Variants in LRP5 observed in about 807,000 individuals in gnomAD.
The protein encoded by LRP5 is low-density lipoprotein receptor-related protein 5.
Under a neutral mutation model 154.1 loss-of-function variants are expected in LRP5, and 62 were observed. The ratio of observed to expected loss-of-function variants is 0.40; its 90% CI spans 0.33 to 0.50. The LOEUF (loss-of-function observed/expected upper bound fraction) is 0.50. LRP5 is among the 20% of genes least tolerant of loss of function. The probability of loss-of-function intolerance (pLI) is 0.55; values close to 1 mark genes in which losing one functional copy is unlikely to be tolerated. For synonymous variants in LRP5, 966 were observed against 1,011.5 expected (o/e 0.96, Z 0.85); for missense variants, 1,915 against 2,336.7 (o/e 0.82, Z 3.72).
intron 8 of LRP5, among the ~76,000 whole-genome samples, chr11:68,405,710 G>A (rs751825978): frequency 1.3e-5 from 2 of 152,208 alleles, no homozygotes; most frequent in Non-Finnish European, 2.9e-5. Context: ...CTAAATTAAA[G>A]CCAATTTTAA....
At position 68,439,836 on chromosome 11, in the gene LRP5, G is replaced by A. The variant is rs1193720992; in HGVS notation, c.4408G>A (p.Val1470Met). 2 of 1,610,926 alleles carry A rather than the reference G, an allele frequency of 1.2e-6. No individual in the cohort carries two copies. Among genetic ancestry groups the A allele is most frequent in the Non-Finnish European group, 1.7e-6 (2 of 1,179,514 alleles). ...SVSLMGGRGG[V>M]PLYDRNHVTG... ...GAGCCTGATGGGGGGCCGGGGCGGG[G>A]TGCCCCTCTACGACCGGAACCACGT... Residue 1470 changes from valine to methionine, a missense_variant, in exon 21 of 23, where the codon GTG becomes ATG. Coordinates refer to ENST00000294304, the MANE Select transcript of LRP5 (RefSeq NM_002335.4).
chr11:68,299,880 G>A, the LRP5 span, among the ~76,000 whole-genome samples: 2 of 148,516 alleles, frequency 1.3e-5, no homozygotes, highest in Non-Finnish European at 3.0e-5. Context: ...ATCGCGCTCC[G>A]CCTTTTTTTG....
intron 1 of LRP5, among the ~76,000 whole-genome samples, chr11:68,346,610 G>A (rs2098613164): frequency 1.3e-5 from 2 of 152,244 alleles, no homozygotes; most frequent in African/African-American, 4.8e-5. Context: ...CTTTCTTGGT[G>A]AAGGTGGGAG....
chr11:68,436,999 G>T lies in LRP5; in HGVS notation c.4111G>T (p.Glu1371Ter), dbSNP rs1287999101. ...CGACGGCTCCGACGAGCTCATGTGT[G>T]GTGAGCCAGCTTCTGGCACGGGGAA... is the stretch of plus-strand genomic sequence containing the variant. ...CIDGSDELMC[E>*]ITKPPSDDSP... Residue 1371 changes from glutamate (E) to a stop codon, truncating the protein, a stop_gained and splice_region_variant, in exon 19 of 23, where the codon GAA (glutamate) becomes TAA (stop). Coordinates refer to ENST00000294304, the MANE Select transcript of LRP5 (RefSeq NM_002335.4). LOFTEE classifies it high-confidence loss of function. The T allele has an allele frequency of 1.2e-6, 2 of 1,612,768 alleles. No individual in the cohort carries two copies. Among genetic ancestry groups the T allele is most frequent in the Non-Finnish European group, 1.7e-6 (2 of 1,179,404 alleles).
Position 68,449,168 on chromosome 11 carries a change from A to T in LRP5, c.*98A>T. 8.7e-5 allele frequency: 64 copies of T among 737,712 alleles called. No homozygotes were observed. Among genetic ancestry groups the T allele is most frequent in the East Asian group, 9.8e-5 (2 of 20,496 alleles). The allele number at this position is 737,712 out of a possible 1,614,324, so 45.7% of individuals were successfully genotyped here. A position where few individuals can be genotyped will look rare whatever the true frequency, so the allele number is the denominator to read the frequency against. On this transcript the variant is annotated 3_prime_UTR_variant, in exon 23 of 23. Transcript: ENST00000294304. ...TTTTATGATTTAAAAAATAAATATA[A>T]TTGGGATTTTAAAAACATGAGAAAT... is the stretch of plus-strand genomic sequence containing the variant.
intron 17 of LRP5, among the ~76,000 whole-genome samples, chr11:68,433,366 T>G (rs925342143): frequency 3.3e-5 from 5 of 152,208 alleles, no homozygotes; most frequent in African/African-American, 1.2e-4. Context: ...TACGGATGCA[T>G]GTCTTCTTGC....
In LRP5 at chr11:68,433,536, T is replaced by C. The variant is rs559424739; in HGVS notation, c.3764-66T>C. 21 of 1,382,892 alleles carry C rather than the reference T, an allele frequency of 1.5e-5. No individual in the cohort carries two copies. In the East Asian group the frequency reaches 4.8e-4, roughly 32 times the overall value. 85.7% of individuals were successfully genotyped at this position (1,382,892 alleles called of 1,614,324 possible). On this transcript the variant is annotated intron_variant, in intron 17 of 22. Coordinates refer to ENST00000294304, the MANE Select transcript of LRP5 (RefSeq NM_002335.4). Reference sequence around the variant, plus strand: ...TCTCAACTTCTGCTTTGAAGCCCAGTCACGCCATTGCCTGGGTTTTGCTGG... The same window carrying C: ...TCTCAACTTCTGCTTTGAAGCCCAGCCACGCCATTGCCTGGGTTTTGCTGG...
At chr11:68,397,972 T>TTGTGTGTGTGTGTGTATGTG (rs1554968641) in intron 7 of LRP5, among the ~76,000 whole-genome samples, 1 of 142,092 alleles carries the variant, frequency 7.0e-6, no homozygotes, top group South Asian at 2.3e-4. Flanking sequence ...CTGTGTGTGT[T>TTGTGTGTGTGTGTGTATGTG]TGTGTGTGTG....
At chr11:68,363,137 G>A (rs952098839) in intron 3 of LRP5, among the ~76,000 whole-genome samples, 1 of 152,214 alleles carries the variant, frequency 6.6e-6, no homozygotes, top group Non-Finnish European at 1.5e-5. Flanking sequence ...GAGTGCACAT[G>A]GCCTGATTTG....
At chr11:68,363,671 A>T (rs1591228591) in intron 3 of LRP5, 76 bp from the exon 4 acceptor site, 3 of 1,209,782 alleles carry the variant, frequency 2.5e-6, no homozygotes, top group South Asian at 1.3e-5. Flanking sequence ...AAAAAAAAAG[A>T]AATTAATTGG....
intron 7 of LRP5, among the ~76,000 whole-genome samples, chr11:68,397,263 C>T (rs1453177276): frequency 2.6e-5 from 4 of 152,212 alleles, no homozygotes; most frequent in African/African-American, 9.6e-5. Flanking sequence ...CCCTTCTCTC[C>T]TCTGCCCCGC....
chr11:68,365,468 ACACTGGAGGCTGT>A, intron 4 of LRP5, 90 bp from the exon 5 acceptor site: 4 of 1,554,616 alleles, frequency 2.6e-6, no homozygotes, highest in Non-Finnish European at 3.5e-6. Context: ...GCAGAGGGAC[ACACTGGAGGCTGT>A]CACGGGGGAC....
chr11:68,331,696 C>T (rs147714859), intron 1 of LRP5, among the ~76,000 whole-genome samples: 193 of 152,278 alleles, frequency 1.3e-3, no homozygotes, highest in African/African-American at 4.2e-3. Flanking sequence ...GTGGTCCCTG[C>T]TCGGGAAACT....
chr11:68,372,599 G>T (rs532068541), intron 5 of LRP5, among the ~76,000 whole-genome samples: 1 of 152,298 alleles, frequency 6.6e-6, no homozygotes, highest in South Asian at 2.1e-4. Context: ...GCTTCAGTTT[G>T]TCCGTTGGTA....
rs1452056651 is a variant in LRP5 at position 68,423,632 on chromosome 11, C to T, written c.3171C>T (p.Ala1057=). The change falls in exon 14 of 23, where the codon GCC becomes GCT. Residue 1057 remains alanine (A), a synonymous_variant. Transcript: ENST00000294304. This position sits in a 1 kb window ranked among gnomAD's most constrained non-coding sequence, Gnocchi z 4.7. Reference sequence around the variant, plus strand: ...ACGTCCACAGGCTGAGCGGGGAAGCCATGGGGGTGGTGCTGCGTGGGGACC... The same window carrying T: ...ACGTCCACAGGCTGAGCGGGGAAGCTATGGGGGTGGTGCTGCGTGGGGACC... ...TINVHRLSGE[A]MGVVLRGDRD... 8 of 1,614,044 alleles carry T rather than the reference C, an allele frequency of 5.0e-6. No homozygotes were observed. The highest frequency in any genetic ancestry group is 1.3e-5 in the African/African-American group (1 of 74,928).
intron 11 of LRP5, 132 bp downstream of exon 11, chr11:68,411,752 G>A (rs551615744): frequency 7.4e-6 from 7 of 940,564 alleles, no homozygotes; most frequent in Middle Eastern, 3.3e-4. Context: ...CCACACCCAC[G>A]ACTGCCCAGC....
intron 1 of LRP5, among the ~76,000 whole-genome samples, chr11:68,340,939 G>A (rs2098608587): frequency 6.6e-6 from 1 of 151,866 alleles, no homozygotes; most frequent in South Asian, 2.1e-4. Context: ...CTGGGTGTGT[G>A]GTTTTTGGTG....
rs1164074861 is a variant in LRP5, at chr11:68,312,783, C to T, written c.69C>T (p.Cys23=). Residue 23 remains cysteine, a synonymous_variant, in exon 1 of 23, where the codon TGC becomes TGT. Coordinates refer to ENST00000294304, the MANE Select transcript of LRP5 (RefSeq NM_002335.4). ...TGCTGCTGCTGCTGCTGGCGCTGTGCGGCTGCCCGGCCCCCGCCGCGGGTA... is the reference window on the plus strand; with the variant it reads ...TGCTGCTGCTGCTGCTGGCGCTGTGTGGCTGCCCGGCCCCCGCCGCGGGTA... ...LLLLLLLLAL[C]GCPAPAAASP... 1.8e-6 allele frequency: 2 copies of T among 1,082,960 alleles called. No homozygotes were observed. Among genetic ancestry groups the T allele is most frequent in the South Asian group, 2.8e-5 (1 of 36,020 alleles). 67.1% of individuals were successfully genotyped at this position (1,082,960 alleles called of 1,614,324 possible).
intron 15 of LRP5, 126 bp downstream of exon 15, chr11:68,425,418 G>A (rs1308717378): frequency 2.2e-5 from 22 of 1,006,564 alleles, no homozygotes; most frequent in South Asian, 1.4e-4. Flanking sequence ...TGTGTGTAGC[G>A]TGTTTTGTCC....
Sources: allele counts gnomAD v4.1 joint callset (sites outside exome capture counted in the v4.1 genomes callset), GRCh38; gene constraint gnomAD v4.1.1; non-coding constraint Gnocchi (gnomAD v3.1); transcripts MANE v1.5; gene names NCBI Gene and HGNC (gene_info 2026-07-23, HGNC 2026-07-21).